MYO9B: variants seen among roughly 807,000 people sequenced by gnomAD.
MYO9B encodes myosin IXB, also known as unconventional myosin-IXb.
MYO9B carries 71 observed loss-of-function variants against 229.5 expected under a neutral mutation model. The observed-to-expected ratio is 0.31, with a 90% CI of 0.26 to 0.38. MYO9B has a LOEUF of 0.38. Ranked by LOEUF, MYO9B falls within the 10% of genes least tolerant of loss-of-function variation. The pLI is 1.00. For synonymous variants in MYO9B, 1,185 were observed against 1,235.8 expected (o/e 0.96, Z 0.86); for missense variants, 2,255 against 2,920.5 (o/e 0.77, Z 5.25).
intron 11 of MYO9B, among the ~76,000 whole-genome samples, chr19:17,168,458 G>A (rs904572558): frequency 5.3e-5 from 8 of 152,044 alleles, no homozygotes; most frequent in South Asian, 2.1e-4. Flanking sequence ...GTGCCACCAC[G>A]CCAGACCTTG....
intron 2 of MYO9B, among the ~76,000 whole-genome samples, chr19:17,144,969 C>CAAAAAAAAAAAAAAA (rs58527501): frequency 2.6e-4 from 22 of 83,468 alleles, no homozygotes; most frequent in Non-Finnish European, 3.9e-4. Flanking sequence ...GACTTCATCT[C>CAAAAAAAAAAAAAAA]AAAAAAAAAA....
intron 19 of MYO9B, among the ~76,000 whole-genome samples, chr19:17,188,436 A>AG (rs2072943648): frequency 3.5e-5 from 5 of 142,896 alleles, no homozygotes; most frequent in Non-Finnish European, 7.6e-5. Flanking sequence ...CTCAAAAAAA[A>AG]AAAAAAAAAA....
At chr19:17,117,895 G>A (rs2057921083) in intron 2 of MYO9B, among the ~76,000 whole-genome samples, 1 of 138,520 alleles carries the variant, frequency 7.2e-6, no homozygotes, top group Non-Finnish European at 1.5e-5. Context: ...CCAAGATCAT[G>A]CCACTGCACT....
intron 1 of MYO9B, among the ~76,000 whole-genome samples, chr19:17,088,816 G>A (rs906365776): frequency 1.4e-4 from 21 of 152,072 alleles, no homozygotes; most frequent in Non-Finnish European, 1.5e-5. Flanking sequence ...TCAGCCTCCT[G>A]AGTACCTGGG....
chr19:17,185,473 G>T (rs556654499), intron 17 of MYO9B, among the ~76,000 whole-genome samples: 1 of 151,630 alleles, frequency 6.6e-6, no homozygotes, highest in Non-Finnish European at 1.5e-5. Context: ...TTGAACCTGG[G>T]AGGCGGAGGC....
chr19:17,187,982 C>T lies in MYO9B; in HGVS notation c.2625C>T (p.Tyr875=), dbSNP rs114166404. The T allele has an allele frequency of 5.0e-6, 8 of 1,601,872 alleles. No homozygotes were observed. The highest frequency in any genetic ancestry group is 1.3e-5 in the African/African-American group (1 of 74,824). The change falls in exon 19 of 40, where the codon TAC becomes TAT. Residue 875 remains tyrosine (Y), a synonymous_variant. Coordinates refer to ENST00000682292, the MANE Select transcript of MYO9B (RefSeq NM_004145.4). ...AGCTGGTCCTGCAGCAGCTGCGCTA[C>T]ACCGGCATGCTGGAGACCGTGCGCA... The part of the protein sequence containing the change: ...DDELVLQQLR[Y]TGMLETVRIR...
intron 17 of MYO9B, among the ~76,000 whole-genome samples, chr19:17,185,556 A>G (rs1257242036): frequency 1.3e-5 from 2 of 150,186 alleles, no homozygotes; most frequent in Non-Finnish European, 2.9e-5. Context: ...CAAAAAAAAA[A>G]AAACAAAACA....
intron 22 of MYO9B, 71 bp from the exon 23 acceptor site, chr19:17,197,721 G>A: frequency 6.4e-7 from 1 of 1,573,756 alleles, no homozygotes; most frequent in Non-Finnish European, 8.7e-7. Context: ...GAGAACCCAA[G>A]AACCACTAAG....
At chr19:17,206,225 G>GGGGCCCCCCCC in intron 32 of MYO9B, 23 bp from the exon 33 acceptor site, 31 of 1,564,636 alleles carry the variant, frequency 2.0e-5, no homozygotes, top group Non-Finnish European at 2.5e-5. Context: ...CCGCTCACCA[G>GGGGCCCCCCCC]ACCCACCCCA....
intron 14 of MYO9B, among the ~76,000 whole-genome samples, chr19:17,178,215 G>A (rs953339831): frequency 1.3e-5 from 2 of 152,234 alleles, no homozygotes; most frequent in African/African-American, 4.8e-5. Flanking sequence ...GAGCAGGTAA[G>A]TGGGGCCATG....
intron 7 of MYO9B, among the ~76,000 whole-genome samples, chr19:17,158,887 G>T (rs747707042): frequency 2.0e-5 from 3 of 152,296 alleles, no homozygotes; most frequent in Non-Finnish European, 4.4e-5. Context: ...TCTGAAACCT[G>T]CCAAGTGTAA....
intron 1 of MYO9B, among the ~76,000 whole-genome samples, chr19:17,090,878 A>G (rs188784609): frequency 2.8e-4 from 42 of 152,202 alleles, no homozygotes; most frequent in Admixed American, 2.6e-3. Context: ...TCCATCCCCA[A>G]TCTGCTTCCT....
intron 1 of MYO9B, among the ~76,000 whole-genome samples, chr19:17,080,760 T>A (rs146581665): frequency 1.1e-4 from 16 of 152,160 alleles, no homozygotes; most frequent in African/African-American, 3.9e-4. Flanking sequence ...TCCCAGCACT[T>A]TAAGAAGCTG....
rs865789964 is a variant in MYO9B, at chr19:17,212,505, C to A, written c.*195C>A. The A allele has an allele frequency of 1.7e-6, 1 of 572,596 alleles. No homozygotes were observed. Among genetic ancestry groups the A allele is most frequent in the Admixed American group, 3.8e-5 (1 of 26,566 alleles). 35.5% of individuals were successfully genotyped at this position (572,596 alleles called of 1,614,324 possible). On this transcript the variant is annotated 3_prime_UTR_variant, in exon 40 of 40. Coordinates refer to ENST00000682292, the MANE Select transcript of MYO9B (RefSeq NM_004145.4). The surrounding 1 kb of genome is among the most constrained non-coding windows in gnomAD (Gnocchi z 5.4). ...CCGGCTGGAGCCAGGCCCCCTCGCA[C>A]GCAGCCCCCAAATCATGGACGCACC...
intron 2 of MYO9B, among the ~76,000 whole-genome samples, chr19:17,129,920 A>G (rs1213959209): frequency 6.6e-6 from 1 of 152,090 alleles, no homozygotes; most frequent in Non-Finnish European, 1.5e-5. Context: ...GACTCAAGCA[A>G]TCCCTCTCCC....
intron 15 of MYO9B, 125 bp from the exon 16 acceptor site, chr19:17,183,704 C>T (rs1014296032): frequency 1.3e-6 from 1 of 773,184 alleles, no homozygotes; most frequent in Non-Finnish European, 2.1e-6. Flanking sequence ...GCACTTGCGC[C>T]TTCTCACTCT....
At chr19:17,120,657 AAAAAAGATAGAT>A (rs2057953978) in intron 2 of MYO9B, among the ~76,000 whole-genome samples, 1 of 151,602 alleles carries the variant, frequency 6.6e-6, no homozygotes, top group South Asian at 2.1e-4. Flanking sequence ...AAAAAAAAAA[AAAAAAGATAGAT>A]AGATAGATAT....
intron 15 of MYO9B, among the ~76,000 whole-genome samples, chr19:17,181,516 T>C (rs1215139705): frequency 6.6e-6 from 1 of 152,236 alleles, no homozygotes; most frequent in Non-Finnish European, 1.5e-5. Context: ...GGATCCCGAC[T>C]GTTAGCACAC....
intron 22 of MYO9B, among the ~76,000 whole-genome samples, chr19:17,196,685 A>G (rs2073046784): frequency 6.7e-6 from 1 of 148,288 alleles, no homozygotes; most frequent in Non-Finnish European, 1.5e-5. Flanking sequence ...CTCCGTCTCA[A>G]AAAAAAAAAA....
Sources: allele counts gnomAD v4.1 joint callset (sites outside exome capture counted in the v4.1 genomes callset), GRCh38; gene constraint gnomAD v4.1.1; non-coding constraint Gnocchi (gnomAD v3.1); transcripts MANE v1.5; gene names NCBI Gene and HGNC (gene_info 2026-07-23, HGNC 2026-07-21).